Variants in ZFPM1 observed in about 807,000 individuals in gnomAD.
ZFPM1 encodes zinc finger protein, FOG family member 1, also known as zinc finger protein ZFPM1.
A neutral mutation model predicts 46.3 loss-of-function variants in ZFPM1; 28 were observed. The ratio of observed to expected loss-of-function variants is 0.60; its 90% CI spans 0.45 to 0.83. ZFPM1 has a LOEUF of 0.83. Ranked by LOEUF, ZFPM1 falls within the 40% of genes least tolerant of loss-of-function variation. The pLI, the probability that ZFPM1 is intolerant of heterozygous loss-of-function variation, is 0.00. For synonymous variants in ZFPM1, 957 were observed against 675.9 expected, an observed-to-expected ratio of 1.42 and a Z score of -6.45; for missense variants, 1,878 against 1,432.4, an observed-to-expected ratio of 1.31 and a Z score of -5.02.
At position 88,501,274 on chromosome 16, in the gene ZFPM1, G is replaced by T. The variant is rs71372770; in HGVS notation, c.268+12121G>T. The stretch of plus-strand genomic sequence containing the variant: ...GTACTGGTGATGATGGAGATAGTGG[G>T]CCTGGGTGCGGGGGCCCTCCCGCAG... On this transcript the variant is annotated intron_variant, in intron 3 of 9. Transcript: ENST00000319555. 6.0e-4 allele frequency among the ~76,000 whole-genome samples: 45 copies of T among 75,504 alleles called. 1 individual carries two copies. The highest frequency in any genetic ancestry group is 3.0e-3 in the African/African-American group (43 of 14,120). 49.5% of individuals were successfully genotyped at this position (75,504 alleles called of 152,430 possible).
rs527545000 is a variant in ZFPM1 at position 88,481,697 on chromosome 16, G to A, written c.41-4242G>A. ...CCTGTCCCCCTGCACTTTCCTGACC[G>A]CCCCTACCTGCTGAGGTCTGTGTGG... On this transcript the variant is annotated intron_variant, in intron 1 of 9. Coordinates refer to ENST00000319555, the MANE Select transcript of ZFPM1 (RefSeq NM_153813.3). Among the ~76,000 whole-genome samples, 89 of 151,556 alleles carry A rather than the reference G, an allele frequency of 5.9e-4. 1 individual carries two copies. Among genetic ancestry groups the A allele is most frequent in the African/African-American group, 1.7e-3 (70 of 41,210 alleles).
chr16:88,503,605 G>C (rs75874899), intron 3 of ZFPM1, among the ~76,000 whole-genome samples: 8,073 of 152,006 alleles, frequency 0.053, 276 homozygotes, highest in South Asian at 0.12. Context: ...GTGGAGCCAG[G>C]TCCTCTCTGA....
At chr16:88,528,522 G>A (rs1031772449) in intron 6 of ZFPM1, among the ~76,000 whole-genome samples, 1 of 152,240 alleles carries the variant, frequency 6.6e-6, no homozygotes, top group African/African-American at 2.4e-5. Flanking sequence ...CTAGAAGCCA[G>A]TGCTTTCCCT....
At chr16:88,510,725 G>C (rs888490562) in intron 3 of ZFPM1, among the ~76,000 whole-genome samples, 2 of 152,154 alleles carry the variant, frequency 1.3e-5, no homozygotes, top group Non-Finnish European at 2.9e-5. Flanking sequence ...AGTCAGCCAC[G>C]GGGCCACCAG....
At chr16:88,467,570 C>G (rs570658687) in intron 1 of ZFPM1, among the ~76,000 whole-genome samples, 1 of 152,196 alleles carries the variant, frequency 6.6e-6, no homozygotes, top group African/African-American at 2.4e-5. Context: ...ACCGCGAGAC[C>G]TGCCTTGCAG....
intron 4 of ZFPM1, among the ~76,000 whole-genome samples, chr16:88,519,997 G>A (rs1431391699): frequency 6.6e-6 from 1 of 151,238 alleles, no homozygotes; most frequent in Admixed American, 6.6e-5. Context: ...TGGATGGGTG[G>A]GTAGATAGCT....
At chr16:88,484,175 C>G (rs1407204609) in intron 1 of ZFPM1, among the ~76,000 whole-genome samples, 3 of 152,220 alleles carry the variant, frequency 2.0e-5, no homozygotes, top group Non-Finnish European at 4.4e-5. Context: ...GCTCTTGAAG[C>G]TGGGCACATG....
chr16:88,463,679 G>A (rs1432062229), intron 1 of ZFPM1, among the ~76,000 whole-genome samples: 9 of 152,250 alleles, frequency 5.9e-5, no homozygotes, highest in African/African-American at 1.9e-4. Flanking sequence ...GAAACCACCC[G>A]GCAAATATTT....
intron 5 of ZFPM1, 81 bp downstream of exon 5, chr16:88,526,997 G>C (rs1299258542): frequency 1.3e-6 from 2 of 1,485,918 alleles, no homozygotes; most frequent in African/African-American, 1.4e-5. Context: ...AGCCCTTAAA[G>C]GGAAACCAGC....
intron 1 of ZFPM1, among the ~76,000 whole-genome samples, chr16:88,455,132 G>GGTGTGTGTGTGTGTGTGT (rs4047261): frequency 7.8e-5 from 11 of 141,674 alleles, no homozygotes; most frequent in East Asian, 4.2e-4. Context: ...TCGGTTCTGG[G>GGTGTGTGTGTGTGTGTGT]GTGTGTGTGT....
At chr16:88,510,427 G>T (rs1392398389) in intron 3 of ZFPM1, among the ~76,000 whole-genome samples, 1 of 152,260 alleles carries the variant, frequency 6.6e-6, no homozygotes, top group Non-Finnish European at 1.5e-5. Flanking sequence ...TAATCGGAGG[G>T]CTTTAAGACC....
chr16:88,489,754 G>T (rs1299648875), intron 3 of ZFPM1, among the ~76,000 whole-genome samples: 1 of 152,244 alleles, frequency 6.6e-6, no homozygotes, highest in Non-Finnish European at 1.5e-5. Context: ...CCATGAACGT[G>T]TTCTCCCTGT....
At chr16:88,460,835 C>T (rs1907784690) in intron 1 of ZFPM1, among the ~76,000 whole-genome samples, 1 of 151,020 alleles carries the variant, frequency 6.6e-6, no homozygotes. Context: ...TGCTCCTACT[C>T]CCGTGGGCCT....
At chr16:88,525,331 C>A (rs1912229483) in intron 4 of ZFPM1, among the ~76,000 whole-genome samples, 1 of 152,214 alleles carries the variant, frequency 6.6e-6, no homozygotes. Context: ...AGGGGACATC[C>A]CTGCACTGTC....
At chr16:88,478,543 G>A (rs540681232) in intron 1 of ZFPM1, among the ~76,000 whole-genome samples, 4 of 152,366 alleles carry the variant, frequency 2.6e-5, no homozygotes, top group East Asian at 3.9e-4. Context: ...CCTGCCTCCC[G>A]CAGGGCTCAC....
intron 4 of ZFPM1, among the ~76,000 whole-genome samples, chr16:88,520,278 G>A (rs1379888716): frequency 6.6e-6 from 1 of 151,646 alleles, no homozygotes; most frequent in Non-Finnish European, 1.5e-5. Flanking sequence ...ATGGATGGAT[G>A]GATAGATAGG....
intron 3 of ZFPM1, among the ~76,000 whole-genome samples, chr16:88,512,216 C>G (rs72807413): frequency 0.075 from 11,402 of 152,268 alleles, 475 homozygotes; most frequent in South Asian, 0.11. Context: ...AGGGTGGGCA[C>G]CAGTTCTGCC....
At chr16:88,500,403 C>T (rs112116077) in intron 3 of ZFPM1, among the ~76,000 whole-genome samples, 2,657 of 152,366 alleles carry the variant, frequency 0.017, 78 homozygotes, top group African/African-American at 0.06. Context: ...AAGCCACAAG[C>T]GTGTCGCTGG....
chr16:88,471,095 A>G lies in ZFPM1; in HGVS notation c.41-14844A>G, dbSNP rs1908397040. On this transcript the variant is annotated intron_variant, in intron 1 of 9. Transcript: ENST00000319555. This position sits in a 1 kb window ranked among gnomAD's most constrained non-coding sequence, Gnocchi z 4.1. Reference sequence around the variant, plus strand: ...GGGCTGCCCAGAGGCTGCCTTCTGAAGGAGCGAGGGGGCCGGGAGGAGGAA... The same window carrying G: ...GGGCTGCCCAGAGGCTGCCTTCTGAGGGAGCGAGGGGGCCGGGAGGAGGAA... Among the ~76,000 whole-genome samples, 1 of 152,184 alleles carries G rather than the reference A, an allele frequency of 6.6e-6. No individual in the cohort carries two copies. The highest frequency in any genetic ancestry group is 1.5e-5 in the Non-Finnish European group (1 of 68,014).
Sources: gnomAD v4.1 joint callset for allele counts (sites outside exome capture counted in the v4.1 genomes callset) on GRCh38, gnomAD v4.1.1 for gene constraint, Gnocchi (gnomAD v3.1) non-coding constraint, MANE v1.5 for transcripts, NCBI Gene and HGNC (gene_info 2026-07-23, HGNC 2026-07-21) for gene names.